CYP4Z1: variants seen among roughly 807,000 people sequenced by gnomAD.
The protein encoded by CYP4Z1 is cytochrome P450 4Z1.
Under a neutral mutation model 54.2 loss-of-function variants are expected in CYP4Z1, and 41 were observed. The ratio of observed to expected loss-of-function variants is 0.76; its 90% CI spans 0.59 to 0.98. The LOEUF (loss-of-function observed/expected upper bound fraction) is 0.98. CYP4Z1 is among the 50% of genes least tolerant of loss of function. The pLI, the probability that CYP4Z1 is intolerant of heterozygous loss-of-function variation, is 0.00. For missense variants in CYP4Z1, 513 were observed against 599.0 expected (o/e 0.86, Z 1.50); for synonymous variants, 163 against 206.2 (o/e 0.79, Z 1.79).
chr1:47,073,622 A>T (rs1202589599), intron 2 of CYP4Z1, among the ~76,000 whole-genome samples: 3 of 152,200 alleles, frequency 2.0e-5, no homozygotes, highest in Non-Finnish European at 4.4e-5. Flanking sequence ...GATTACAGGC[A>T]TGAGCCAACG....
At chr1:47,083,119 C>CT (rs1332119480) in intron 4 of CYP4Z1, among the ~76,000 whole-genome samples, 2 of 152,056 alleles carry the variant, frequency 1.3e-5, no homozygotes, top group Non-Finnish European at 2.9e-5. Flanking sequence ...AACTCAAAGA[C>CT]TAAGTTTCTA....
chr1:47,059,656 G>C, the CYP4Z1 span, among the ~76,000 whole-genome samples: 1 of 152,070 alleles, frequency 6.6e-6, no homozygotes, highest in Non-Finnish European at 1.5e-5. Flanking sequence ...AACATCACCT[G>C]CTTGCATGTA....
At chr1:47,113,084 A>G (rs1644804737) in intron 9 of CYP4Z1, among the ~76,000 whole-genome samples, 1 of 151,992 alleles carries the variant, frequency 6.6e-6, no homozygotes, top group Non-Finnish European at 1.5e-5. Context: ...AATCCTTAGC[A>G]TGACCTCTTT....
intron 4 of CYP4Z1, 26 bp downstream of exon 4, chr1:47,082,487 C>T (rs1644562269): frequency 1.3e-6 from 2 of 1,593,506 alleles, no homozygotes; most frequent in Admixed American, 1.7e-5. Flanking sequence ...AGCATTCGTA[C>T]CTGGCCTCTG....
In CYP4Z1 at chr1:47,111,191, AT is replaced by A. The variant is rs538389036; in HGVS notation, c.1202-4326del. ...CTATGTATCAAGTTACACATCTGCA[AT>A]TTTTTTTTTTTGATGGAGTCTTGCT... On this transcript the variant is annotated intron_variant, in intron 9 of 11. Transcript: ENST00000334194. Among the ~76,000 whole-genome samples, 257 of 148,560 alleles carry A rather than the reference AT, an allele frequency of 1.7e-3. 1 individual carries two copies. The highest frequency in any genetic ancestry group is 5.3e-3 in the African/African-American group (213 of 40,566).
At chr1:47,099,334 A>C in intron 8 of CYP4Z1, 50 bp downstream of exon 8, 1 of 1,476,376 alleles carries the variant, frequency 6.8e-7, no homozygotes, top group South Asian at 1.4e-5. Flanking sequence ...TATACATTTG[A>C]TTATTTCTCT....
chr1:47,111,341 G>A (rs1644790929), intron 9 of CYP4Z1, among the ~76,000 whole-genome samples: 1 of 152,072 alleles, frequency 6.6e-6, no homozygotes, highest in African/African-American at 2.4e-5. Flanking sequence ...ATGTCACCAC[G>A]CCTGGCTAAT....
the CYP4Z1 span, among the ~76,000 whole-genome samples, chr1:47,056,667 T>C: frequency 6.6e-6 from 1 of 152,216 alleles, no homozygotes. Context: ...CCCTTTACCA[T>C]TATGTAATGG....
At chr1:47,095,316 G>GA (rs201596103) in intron 7 of CYP4Z1, among the ~76,000 whole-genome samples, 5,442 of 152,162 alleles carry the variant, frequency 0.036, 326 homozygotes, top group African/African-American at 0.12. Context: ...ATTAAAGTTT[G>GA]AAAAACCCCA....
At chr1:47,060,787 C>T in the CYP4Z1 span, among the ~76,000 whole-genome samples, 1 of 152,080 alleles carries the variant, frequency 6.6e-6, no homozygotes, top group South Asian at 2.1e-4. Context: ...ACTTTTAAAT[C>T]AGCCACATAA....
chr1:47,089,595 A>G (rs777013257), intron 6 of CYP4Z1, among the ~76,000 whole-genome samples: 7 of 152,244 alleles, frequency 4.6e-5, no homozygotes, highest in African/African-American at 7.2e-5. Context: ...GTTATGGCCT[A>G]TAGTTATCCC....
At chr1:47,069,472 T>C (rs1644476552) in intron 2 of CYP4Z1, among the ~76,000 whole-genome samples, 1 of 152,062 alleles carries the variant, frequency 6.6e-6, no homozygotes, top group African/African-American at 2.4e-5. Flanking sequence ...CAGGGCACTC[T>C]GCCAGAATCA....
intron 9 of CYP4Z1, among the ~76,000 whole-genome samples, chr1:47,110,795 G>A (rs1017736573): frequency 6.0e-5 from 9 of 150,774 alleles, no homozygotes; most frequent in African/African-American, 2.2e-4. Flanking sequence ...AACCATAGAG[G>A]TTAGACCCTA....
At chr1:47,077,945 T>TTCC (rs1173614660) in intron 2 of CYP4Z1, among the ~76,000 whole-genome samples, 6 of 152,154 alleles carry the variant, frequency 3.9e-5, no homozygotes, top group Non-Finnish European at 7.4e-5. Flanking sequence ...TGTTCCTCAC[T>TTCC]TCCTCCATTA....
intron 2 of CYP4Z1, chr1:47,074,649 G>C (rs1644506703): frequency 5.2e-6 from 1 of 191,020 alleles, no homozygotes; most frequent in Admixed American, 5.8e-5. Context: ...TGTTGAAAAT[G>C]AATTGACAAC....
At chr1:47,116,613 G>A (rs752271318) in intron 10 of CYP4Z1, 37 bp from the exon 11 acceptor site, 13 of 1,347,960 alleles carry the variant, frequency 9.6e-6, no homozygotes, top group Non-Finnish European at 1.3e-5. Flanking sequence ...GGGGTGGGCT[G>A]GAGGGATTAG....
chr1:47,115,490 C>T lies in CYP4Z1; in HGVS notation c.1202-39C>T, dbSNP rs540253699. On this transcript the variant is annotated intron_variant, in intron 9 of 11. Transcript: ENST00000334194. ...GAGAAAAAAAAAAAGACAGAATCTTCGCTCATGCACTTACCTGCTTTTTCT... is the reference window on the plus strand; with the variant it reads ...GAGAAAAAAAAAAAGACAGAATCTTTGCTCATGCACTTACCTGCTTTTTCT... 7.3e-5 allele frequency: 114 copies of T among 1,553,300 alleles called. 1 individual carries two copies. The East Asian group carries it at 2.3e-3, about 32-fold the overall frequency.
upstream of CYP4Z1, among the ~76,000 whole-genome samples, chr1:47,063,346 A>C (rs560394497): frequency 2.0e-5 from 3 of 152,212 alleles, no homozygotes; most frequent in East Asian, 5.8e-4. Flanking sequence ...TCACACCCCC[A>C]AGAGATCATA....
chr1:47,100,193 G>A (rs1644711280), intron 8 of CYP4Z1, among the ~76,000 whole-genome samples: 1 of 151,822 alleles, frequency 6.6e-6, no homozygotes, highest in African/African-American at 2.4e-5. Flanking sequence ...GCTTCTTTTC[G>A]GTCATTTTCA....
Sources: allele counts gnomAD v4.1 joint callset (sites outside exome capture counted in the v4.1 genomes callset), GRCh38; gene constraint gnomAD v4.1.1; transcripts MANE v1.5; gene names NCBI Gene and HGNC (gene_info 2026-07-23, HGNC 2026-07-21).